Variants in ADAMTS9 observed in about 807,000 individuals in gnomAD.
The protein encoded by ADAMTS9 is A disintegrin and metalloproteinase with thrombospondin motifs 9.
Under a neutral mutation model 257.1 loss-of-function variants are expected in ADAMTS9, and 107 were observed. The observed-to-expected ratio is 0.42, with a 90% confidence interval of 0.36 to 0.49. The LOEUF is 0.49. Ranked by LOEUF, ADAMTS9 falls within the 20% of genes least tolerant of loss-of-function variation. ADAMTS9 has a pLI of 0.03. For missense variants in ADAMTS9, 2,353 were observed against 2,469.1 expected (o/e 0.95, Z 1.00); for synonymous variants, 982 against 880.9 (o/e 1.11, Z -2.03).
chr3:64,517,416 GTTT>G (rs755480110), intron 39 of ADAMTS9, among the ~76,000 whole-genome samples: 23 of 52,672 alleles, frequency 4.4e-4, no homozygotes, highest in South Asian at 3.1e-3. Flanking sequence ...ATTAAAAATG[GTTT>G]TTTTTTTTTT....
chr3:64,648,611 T>C (rs1700854473), intron 10 of ADAMTS9, among the ~76,000 whole-genome samples: 1 of 152,232 alleles, frequency 6.6e-6, no homozygotes, highest in Non-Finnish European at 1.5e-5. Flanking sequence ...AGTAGAAAAG[T>C]TGCACAAGTA....
chr3:64,568,654 T>C (rs1010015871), intron 28 of ADAMTS9, 119 bp from the exon 29 acceptor site: 1 of 1,210,224 alleles, frequency 8.3e-7, no homozygotes. Context: ...TCCCCTCTTT[T>C]ACAGCGCCAG....
intron 28 of ADAMTS9, chr3:64,583,348 G>A (rs1465475731): frequency 1.3e-5 from 2 of 152,196 alleles, no homozygotes; most frequent in Non-Finnish European, 1.5e-5. Context: ...CGATTTGACT[G>A]ACCTTGATGG....
At chr3:64,618,141 C>T (rs1338288043) in intron 19 of ADAMTS9, among the ~76,000 whole-genome samples, 1 of 152,186 alleles carries the variant, frequency 6.6e-6, no homozygotes. Flanking sequence ...TAGGAATGAG[C>T]ATGCACCTGT....
At chr3:64,673,497 T>C (rs534711732) in intron 3 of ADAMTS9, among the ~76,000 whole-genome samples, 9 of 152,294 alleles carry the variant, frequency 5.9e-5, no homozygotes, top group African/African-American at 2.2e-4. Context: ...AAAATAGCAA[T>C]TTTAACAACA....
rs919653235 is a variant in ADAMTS9 at position 64,566,732 on chromosome 3, C to A, written c.4524+1636G>T. Reference sequence around the variant, plus strand: ...AATTAATATTCAGAGGTAAATAAAACAGATAAGTAGAGGCCAAGGAACATT... The same window carrying A: ...AATTAATATTCAGAGGTAAATAAAAAAGATAAGTAGAGGCCAAGGAACATT... On this transcript the variant is annotated intron_variant, in intron 29 of 39. Coordinates refer to ENST00000498707, the MANE Select transcript of ADAMTS9 (RefSeq NM_182920.2). Among the ~76,000 whole-genome samples, 8 of 151,452 alleles carry A rather than the reference C, an allele frequency of 5.3e-5. No homozygotes were observed. The East Asian group carries it at 5.8e-4, about 11-fold the overall frequency.
intron 19 of ADAMTS9, among the ~76,000 whole-genome samples, chr3:64,618,507 G>C (rs933242225): frequency 1.3e-5 from 2 of 152,114 alleles, no homozygotes; most frequent in African/African-American, 2.4e-5. Flanking sequence ...ATCAGAGGAT[G>C]AACTATGGAA....
chr3:64,676,161 T>C (rs1701620687), intron 3 of ADAMTS9, among the ~76,000 whole-genome samples: 1 of 152,194 alleles, frequency 6.6e-6, no homozygotes, highest in Admixed American at 6.5e-5. Flanking sequence ...GCAGGATTTT[T>C]ATCTGTCTGG....
intron 21 of ADAMTS9, among the ~76,000 whole-genome samples, chr3:64,613,828 T>C (rs1240572659): frequency 6.6e-6 from 1 of 152,184 alleles, no homozygotes; most frequent in Non-Finnish European, 1.5e-5. Flanking sequence ...CACATCAACC[T>C]AAGTTTTAAC....
chr3:64,635,937 G>T (rs1700484241), intron 12 of ADAMTS9, among the ~76,000 whole-genome samples: 1 of 152,074 alleles, frequency 6.6e-6, no homozygotes, highest in African/African-American at 2.4e-5. Flanking sequence ...GTGCTACAAG[G>T]AAGACCCCCT....
intron 11 of ADAMTS9, among the ~76,000 whole-genome samples, chr3:64,646,055 A>G (rs1028691144): frequency 1.3e-5 from 2 of 150,006 alleles, no homozygotes; most frequent in African/African-American, 2.5e-5. Context: ...ATTTCATCAC[A>G]TGATTGAAAA....
chr3:64,548,596 TG>T (rs11449006), intron 31 of ADAMTS9, among the ~76,000 whole-genome samples: 1 of 150,586 alleles, frequency 6.6e-6, no homozygotes, highest in African/African-American at 2.4e-5. Flanking sequence ...GCTATTTATG[TG>T]GGGGGGAGCC....
intron 4 of ADAMTS9, chr3:64,656,161 T>C: frequency 3.9e-6 from 1 of 255,324 alleles, no homozygotes; most frequent in South Asian, 9.7e-5. Flanking sequence ...GATATTAATT[T>C]TCCATCAAGC....
chr3:64,556,752 T>TCCTTCCTTCCTTCCTC (rs1276180644), intron 30 of ADAMTS9, among the ~76,000 whole-genome samples: 8 of 148,232 alleles, frequency 5.4e-5, no homozygotes, highest in Non-Finnish European at 1.2e-4. Context: ...CTTCCTTCCT[T>TCCTTCCTTCCTTCCTC]CCTCCCTCCC....
At chr3:64,620,138 G>A (rs534225637) in intron 19 of ADAMTS9, among the ~76,000 whole-genome samples, 18 of 152,190 alleles carry the variant, frequency 1.2e-4, no homozygotes, top group Non-Finnish European at 1.9e-4. Context: ...TTTGAAGTCA[G>A]AGCCTTCAGT....
chr3:64,622,142 A>G, intron 18 of ADAMTS9, 56 bp downstream of exon 18: 2 of 1,528,586 alleles, frequency 1.3e-6, no homozygotes, highest in African/African-American at 1.4e-5. Context: ...TTAAAAATAA[A>G]TAAATAAATA....
At chr3:64,592,818 C>T (rs1399634754) in intron 28 of ADAMTS9, 7 of 151,506 alleles carry the variant, frequency 4.6e-5, no homozygotes, top group African/African-American at 1.7e-4. Flanking sequence ...ACTTTGTGGA[C>T]AGCTAGTAGA....
chr3:64,631,608 A>G, intron 15 of ADAMTS9, 58 bp from the exon 16 acceptor site: 1 of 1,454,760 alleles, frequency 6.9e-7, no homozygotes, highest in Non-Finnish European at 9.7e-7. Flanking sequence ...TTCTCTAAGT[A>G]TGGAATAAAA....
chr3:64,646,926 T>C (rs1559808820), intron 11 of ADAMTS9, among the ~76,000 whole-genome samples: 2 of 152,052 alleles, frequency 1.3e-5, no homozygotes, highest in Non-Finnish European at 2.9e-5. Context: ...AACTGAGAAG[T>C]TTCTTGTCTA....
Sources: allele counts gnomAD v4.1 joint callset (sites outside exome capture counted in the v4.1 genomes callset), GRCh38; gene constraint gnomAD v4.1.1; transcripts MANE v1.5; gene names NCBI Gene and HGNC (gene_info 2026-07-23, HGNC 2026-07-21).